SEMA3A: variants seen among roughly 807,000 people sequenced by gnomAD.
SEMA3A encodes semaphorin 3A.
Under a neutral mutation model 97.9 loss-of-function variants are expected in SEMA3A, and 29 were observed. That is an observed-to-expected ratio of 0.30 (90% CI 0.22 to 0.40). The LOEUF (loss-of-function observed/expected upper bound fraction) is 0.40, where lower values mean the gene tolerates loss of function less well. Among genes scored for constraint, SEMA3A ranks in the 10% least tolerant of loss-of-function variants. The pLI is 1.00. For missense variants in SEMA3A, 763 were observed against 951.3 expected, an observed-to-expected ratio of 0.80 and a Z score of 2.60; for synonymous variants, 321 against 323.7, an observed-to-expected ratio of 0.99 and a Z score of 0.09.
chr7:84,011,606 C>T (rs1211950755), intron 7 of SEMA3A, among the ~76,000 whole-genome samples: 1 of 151,814 alleles, frequency 6.6e-6, no homozygotes, highest in Non-Finnish European at 1.5e-5. Context: ...AAATTGTGGT[C>T]CATTTACACA....
chr7:84,454,785 A>AATAT (rs71078832), intron 1 of SEMA3A, among the ~76,000 whole-genome samples: 80,990 of 151,354 alleles, frequency 0.54, 23,282 homozygotes, highest in East Asian at 0.91. Context: ...AAACTTAGAC[A>AATAT]ATATTTAATC....
At chr7:84,093,771 G>A (rs1794663910) in intron 4 of SEMA3A, among the ~76,000 whole-genome samples, 1 of 151,932 alleles carries the variant, frequency 6.6e-6, no homozygotes, top group South Asian at 2.1e-4. Flanking sequence ...GCAGGGAGGG[G>A]AACAACACCC....
intron 1 of SEMA3A, among the ~76,000 whole-genome samples, chr7:84,435,329 G>A (rs1805097383): frequency 6.6e-6 from 1 of 152,078 alleles, no homozygotes; most frequent in Non-Finnish European, 1.5e-5. Context: ...CTACGAGGAG[G>A]CTGGGTGCAG....
At chr7:84,167,609 A>G (rs755510386) in intron 1 of SEMA3A, among the ~76,000 whole-genome samples, 14 of 152,210 alleles carry the variant, frequency 9.2e-5, no homozygotes, top group Non-Finnish European at 1.9e-4. Flanking sequence ...AGCAGAAACT[A>G]TGAGGTGGGG....
chr7:84,063,219 G>C (rs1180790108), intron 4 of SEMA3A, among the ~76,000 whole-genome samples: 1 of 151,240 alleles, frequency 6.6e-6, no homozygotes, highest in Non-Finnish European at 1.5e-5. Context: ...CTGTCTGTTA[G>C]AAGGAAAACT....
chr7:84,372,636 A>G lies in SEMA3A; in HGVS notation c.-245-736T>C, dbSNP rs376685350. Among the ~76,000 whole-genome samples, 62 of 152,254 alleles carry G rather than the reference A, an allele frequency of 4.1e-4. 1 individual carries two copies. The highest frequency in any genetic ancestry group is 1.3e-3 in the African/African-American group (55 of 41,552). On this transcript the variant is annotated intron_variant, in intron 1 of 3. Transcript: ENST00000424555. ...AAGGACATAGGCAAAATCATTTCAT[A>G]GGTAGAAATCACCTGACCTGAAATT...
intron 1 of SEMA3A, among the ~76,000 whole-genome samples, chr7:84,453,594 C>A (rs1805618202): frequency 6.6e-6 from 1 of 152,094 alleles, no homozygotes; most frequent in Non-Finnish European, 1.5e-5. Flanking sequence ...CAGTGAAATG[C>A]TACTTTCTTC....
At chr7:84,340,745 A>G (rs1584250780) in intron 2 of SEMA3A, among the ~76,000 whole-genome samples, 1 of 147,888 alleles carries the variant, frequency 6.8e-6, no homozygotes, top group Admixed American at 7.0e-5. Context: ...ACACCATTGC[A>G]CTCCAGCCTG....
chr7:83,981,384 G>T lies in SEMA3A; in HGVS notation c.1589C>A (p.Ala530Asp). 1 of 1,613,982 alleles carries T rather than the reference G, an allele frequency of 6.2e-7. No homozygotes were observed. The highest frequency in any genetic ancestry group is 8.5e-7 in the Non-Finnish European group (1 of 1,179,956). Reference sequence around the variant, plus strand: ...ATCCCAAGCACAGTAAGGGTCTCGGGCGAGGCAACACTCAGCACACGCTTT... The same window carrying T: ...ATCCCAAGCACAGTAAGGGTCTCGGTCGAGGCAACACTCAGCACACGCTTT... ...YGKACAECCLARDPYCAWDGS... is the reference protein window; with the variant it reads ...YGKACAECCLDRDPYCAWDGS... Residue 530 changes from alanine (A) to aspartate (D), a missense_variant, in exon 14 of 17, where the codon GCC becomes GAC. By Grantham distance (126) the Ala-to-Asp change is moderately radical. Transcript: ENST00000265362.
intron 13 of SEMA3A, among the ~76,000 whole-genome samples, chr7:83,984,527 A>G (rs1034957242): frequency 2.0e-5 from 3 of 151,630 alleles, no homozygotes; most frequent in Non-Finnish European, 1.5e-5. Flanking sequence ...GATTTGCCAA[A>G]TGATTCTCAT....
chr7:84,364,167 A>T (rs984409712), intron 2 of SEMA3A, among the ~76,000 whole-genome samples: 1 of 151,728 alleles, frequency 6.6e-6, no homozygotes. Flanking sequence ...TTTCCAGTAC[A>T]GTAAATACTG....
chr7:84,169,705 T>A (rs537567185), intron 1 of SEMA3A, among the ~76,000 whole-genome samples: 121 of 151,646 alleles, frequency 8.0e-4, no homozygotes, highest in African/African-American at 2.8e-3. Flanking sequence ...AATTAATCAA[T>A]CACAAAAAGA....
intron 6 of SEMA3A, among the ~76,000 whole-genome samples, chr7:84,024,853 C>T (rs1252506269): frequency 3.9e-5 from 6 of 151,982 alleles, no homozygotes; most frequent in East Asian, 1.9e-4. Context: ...TTTGGGAGGC[C>T]GAGGCAGGTG....
intron 2 of SEMA3A, among the ~76,000 whole-genome samples, chr7:84,357,790 A>G (rs1342508860): frequency 6.6e-6 from 1 of 151,740 alleles, no homozygotes; most frequent in Non-Finnish European, 1.5e-5. Flanking sequence ...CATCCTCTCC[A>G]GCACCTGTTG....
intron 1 of SEMA3A, among the ~76,000 whole-genome samples, chr7:84,375,204 G>C (rs1584273454): frequency 6.6e-6 from 1 of 152,132 alleles, no homozygotes; most frequent in East Asian, 1.9e-4. Flanking sequence ...ATTTTTAGTA[G>C]AGATGAGGTT....
intron 3 of SEMA3A, among the ~76,000 whole-genome samples, chr7:84,210,113 G>A (rs1181622544): frequency 6.6e-6 from 1 of 152,094 alleles, no homozygotes; most frequent in Admixed American, 6.6e-5. Context: ...TCAATGAATA[G>A]TTATCATTTT....
rs769619886 is a variant in SEMA3A, at chr7:84,067,637, G to C, written c.454-7079C>G. On this transcript the variant is annotated intron_variant, in intron 4 of 16. Transcript: ENST00000265362. ...GGACATGAACAGACACTTCTCAAAAGAAGACATTTATGCAGCCAAAAAACA... is the reference window on the plus strand; with the variant it reads ...GGACATGAACAGACACTTCTCAAAACAAGACATTTATGCAGCCAAAAAACA... Among the ~76,000 whole-genome samples the C allele has an allele frequency of 8.4e-3, 1,275 of 152,270 alleles. 10 individuals are homozygous for C. The highest frequency in any genetic ancestry group is 0.017 in the Middle Eastern group (5 of 294).
At chr7:84,143,718 G>A (rs75011411) in intron 1 of SEMA3A, among the ~76,000 whole-genome samples, 1,847 of 151,576 alleles carry the variant, frequency 0.012, 16 homozygotes, top group Middle Eastern at 0.027. Context: ...TGCTGTGCGT[G>A]CTTCAGGCTG....
chr7:84,384,902 A>G (rs75425678), intron 1 of SEMA3A, among the ~76,000 whole-genome samples: 6,015 of 152,236 alleles, frequency 0.04, 347 homozygotes, highest in East Asian at 0.19. Flanking sequence ...AACACTCTTA[A>G]CTACTATCTA....
Sources: allele counts gnomAD v4.1 joint callset (sites outside exome capture counted in the v4.1 genomes callset), GRCh38; gene constraint gnomAD v4.1.1; transcripts MANE v1.5; gene names NCBI Gene and HGNC (gene_info 2026-07-23, HGNC 2026-07-21).